The following PKN3 variants were observed in gnomAD, a reference collection of about 807,000 sequenced individuals.
PKN3 encodes serine/threonine-protein kinase N3.
In PKN3, 91 loss-of-function variants were observed where a neutral mutation model predicts 113.1. The observed-to-expected ratio is 0.80, with a 90% CI of 0.68 to 0.96. The LOEUF (loss-of-function observed/expected upper bound fraction) is 0.96, where lower values mean the gene tolerates loss of function less well. Among genes scored for constraint, PKN3 ranks in the 40% least tolerant of loss-of-function variants. PKN3 has a pLI of 0.00. For synonymous variants in PKN3, 467 were observed against 499.0 expected, an observed-to-expected ratio of 0.94 and a Z score of 0.85; for missense variants, 1,052 against 1,202.2, an observed-to-expected ratio of 0.88 and a Z score of 1.85.
chr9:128,718,265 C>T, intron 16 of PKN3, 60 bp from the exon 17 acceptor site: 1 of 1,411,508 alleles, frequency 7.1e-7, no homozygotes, highest in Admixed American at 1.7e-5. Context: ...CTGGTGCCTC[C>T]CTGCCCTGCC....
chr9:128,712,053 G>A (rs1274248704), intron 6 of PKN3, among the ~76,000 whole-genome samples: 2 of 152,176 alleles, frequency 1.3e-5, no homozygotes, highest in East Asian at 3.8e-4. Flanking sequence ...GGGATTACAG[G>A]TGCCCACCAT....
chr9:128,707,160 C>T (rs2132290845), intron 5 of PKN3, 62 bp from the exon 6 acceptor site: 3 of 1,577,986 alleles, frequency 1.9e-6, no homozygotes, highest in East Asian at 4.5e-5. Context: ...CTCCGGGTGA[C>T]CTGGGCTGCT....
intron 1 of PKN3, chr9:128,703,275 C>T (rs1861908878): frequency 2.6e-6 from 2 of 781,144 alleles, no homozygotes; most frequent in Non-Finnish European, 3.1e-6. Flanking sequence ...CGGTGGGGCT[C>T]CAAGGCCGAC....
At chr9:128,706,554 C>T (rs1178306007) in intron 3 of PKN3, among the ~76,000 whole-genome samples, 159 bp from the exon 4 acceptor site, 2 of 152,170 alleles carry the variant, frequency 1.3e-5, no homozygotes, top group Non-Finnish European at 2.9e-5. Flanking sequence ...TCCCCTGACC[C>T]ACCAACTAGT....
At position 128,716,596 on chromosome 9, in the gene PKN3, T is replaced by TTA. The variant is rs1564376817; in HGVS notation, c.1809-151_1809-150insTA. On this transcript the variant is annotated intron_variant, in intron 15 of 21. Transcript: ENST00000291906. The stretch of plus-strand genomic sequence containing the variant: ...CCAGGCGACAGAGCAAGACTGTGTC[T>TTA]CAAAAAAAAAAAAAAAATGAAAAGA... 9.5e-3 allele frequency: 4,532 copies of TTA among 479,476 alleles called. 6 individuals carry two copies. Among genetic ancestry groups the TTA allele is most frequent in the Non-Finnish European group, 0.013 (3,489 of 275,638 alleles). The allele number at this position is 479,476 out of a possible 1,614,324, so 29.7% of individuals were successfully genotyped here.
chr9:128,712,645 G>A (rs1157882414), intron 6 of PKN3, among the ~76,000 whole-genome samples: 1 of 152,196 alleles, frequency 6.6e-6, no homozygotes, highest in Non-Finnish European at 1.5e-5. Flanking sequence ...TAAGGTCTGA[G>A]GTCTGAGCCT....
chr9:128,717,117 C>CTTTTTTTTTTTTTTTTTTTTTTTTTT, intron 16 of PKN3, among the ~76,000 whole-genome samples, 194 bp downstream of exon 16: 317 of 24,374 alleles, frequency 0.013, 144 homozygotes, highest in Non-Finnish European at 0.019. Flanking sequence ...CATTAGGTTT[C>CTTTTTTTTTTTTTTTTTTTTTTTTTT]TTTTTTTTTT....
intron 3 of PKN3, among the ~76,000 whole-genome samples, chr9:128,706,200 C>T (rs1255159521): frequency 1.3e-5 from 2 of 152,262 alleles, no homozygotes; most frequent in Admixed American, 6.5e-5. Context: ...GGACCTTAGC[C>T]TTGATCTAAT....
In PKN3 at chr9:128,720,417, C is replaced by T. The variant is rs367589869; in HGVS notation, c.2481C>T (p.Leu827=). Residue 827 remains leucine (L), a synonymous_variant, in exon 22 of 22, where the codon CTC becomes CTT. Coordinates refer to ENST00000291906, the MANE Select transcript of PKN3 (RefSeq NM_013355.5). The surrounding 1 kb of genome is among the most constrained non-coding windows in gnomAD (Gnocchi z 5.5). The stretch of plus-strand genomic sequence containing the variant: ...AGACCACCAACTGGCAAGCCCTGCT[C>T]GCCCGCACCATCCAGCCCCCCTTCG... ...FFRTTNWQAL[L]ARTIQPPFVP... 52 of 1,613,138 alleles carry T rather than the reference C, an allele frequency of 3.2e-5. No individual in the cohort carries two copies. The highest frequency in any genetic ancestry group is 6.7e-5 in the African/African-American group (5 of 74,930).
chr9:128,715,558 G>A lies in PKN3; in HGVS notation c.1808+98G>A, dbSNP rs146608477. ...CCTGGGGCTTTGGAGAGGTGACCCCGTGGGGCCAGCCAGCCTGCATTCTCT... is the reference window on the plus strand; with the variant it reads ...CCTGGGGCTTTGGAGAGGTGACCCCATGGGGCCAGCCAGCCTGCATTCTCT... On this transcript the variant is annotated intron_variant, in intron 15 of 21. Coordinates refer to ENST00000291906, the MANE Select transcript of PKN3 (RefSeq NM_013355.5). This position sits in a 1 kb window ranked among gnomAD's most constrained non-coding sequence, Gnocchi z 4.1. 2.4e-5 allele frequency: 20 copies of A among 833,142 alleles called. No homozygotes were observed. The highest frequency in any genetic ancestry group is 1.4e-4 in the South Asian group (9 of 66,188). 51.6% of individuals were successfully genotyped at this position (833,142 alleles called of 1,614,324 possible). A position where few individuals can be genotyped will look rare whatever the true frequency, so the allele number is the denominator to read the frequency against.
In PKN3 at chr9:128,713,494, T is replaced by C; in HGVS notation, c.1093-5T>C. The C allele has an allele frequency of 6.2e-7, 1 of 1,613,986 alleles. No individual in the cohort carries two copies. Among genetic ancestry groups the C allele is most frequent in the Non-Finnish European group, 8.5e-7 (1 of 1,179,978 alleles). ...CCACCCTTCAGCCTGGCCTCCCCAA[T>C]ACAGGCCCGTGAGCTGGAGATTGGG... On this transcript the variant is annotated splice_region_variant and splice_polypyrimidine_tract_variant and intron_variant, in intron 8 of 21. Coordinates refer to ENST00000291906, the MANE Select transcript of PKN3 (RefSeq NM_013355.5).
chr9:128,704,583 C>T (rs1861952526), intron 1 of PKN3, among the ~76,000 whole-genome samples: 1 of 152,102 alleles, frequency 6.6e-6, no homozygotes, highest in South Asian at 2.1e-4. Flanking sequence ...TGACTGTGGG[C>T]AAGTTACTTC....
Position 128,705,557 on chromosome 9 carries a change from T to TGAGAC in PKN3, c.265+15_265+19dup. ...CTGGCCCAGCTGGTGAGTGAGGAGC[T>TGAGAC]GAGACCCCCTCAGGACAGAAGGCTC... is the stretch of plus-strand genomic sequence containing the variant. On this transcript the variant is annotated intron_variant, in intron 2 of 21. Transcript: ENST00000291906. 6.4e-7 allele frequency: 1 copy of TGAGAC among 1,553,206 alleles called. No homozygotes were observed.
rs1040579760 is a variant in PKN3 at position 128,705,880 on chromosome 9, G to A, written c.411+1G>A. The A allele has an allele frequency of 1.3e-6, 2 of 1,588,938 alleles. No individual in the cohort carries two copies. Among genetic ancestry groups the A allele is most frequent in the Non-Finnish European group, 1.7e-6 (2 of 1,164,564 alleles). The stretch of plus-strand genomic sequence containing the variant: ...CACGTGCGCCAGTGGCACCCCCAAG[G>A]TAAGGCCCCACAGTCTGATGGCAGG... On this transcript the variant is annotated splice_donor_variant, in intron 3 of 21. Transcript: ENST00000291906. LOFTEE classifies it high-confidence loss of function.
chr9:128,705,944 A>C, intron 3 of PKN3, 65 bp downstream of exon 3: 4 of 1,455,730 alleles, frequency 2.7e-6, no homozygotes, highest in Non-Finnish European at 2.8e-6. Flanking sequence ...AATGCACCTC[A>C]GCCATTGGGC....
At position 128,705,060 on chromosome 9, in the gene PKN3, T is replaced by C. The variant is rs189834457; in HGVS notation, c.25-243T>C. On this transcript the variant is annotated intron_variant, in intron 1 of 21. Transcript: ENST00000291906. ...CCTGGCACCCATTTACCGTGTGAAC[T>C]GTCCCCCCCGCCACATCCTTCTCTA... is the stretch of plus-strand genomic sequence containing the variant. Among the ~76,000 whole-genome samples the C allele has an allele frequency of 7.7e-4, 117 of 152,318 alleles. 1 individual carries two copies. In the Middle Eastern group the frequency reaches 0.02, roughly 27 times the overall value.
intron 6 of PKN3, among the ~76,000 whole-genome samples, chr9:128,708,341 G>T (rs908912808): frequency 7.2e-5 from 11 of 151,800 alleles, no homozygotes; most frequent in East Asian, 1.9e-4. Flanking sequence ...AGATTGCGCC[G>T]CTGCACTTCA....
Position 128,705,365 on chromosome 9 carries a change from A to G in PKN3, c.87A>G (p.Lys29=), listed in dbSNP as rs544862366. 13 of 1,593,834 alleles carry G rather than the reference A, an allele frequency of 8.2e-6. 1 individual carries two copies. The South Asian group carries it at 1.4e-4, about 17-fold the overall frequency. Residue 29 remains lysine, a synonymous_variant, in exon 2 of 22, where the codon AAA becomes AAG. Coordinates refer to ENST00000291906, the MANE Select transcript of PKN3 (RefSeq NM_013355.5). ...AGGTGATCCGCCGGGCCATCCAGAA[A>G]GAGCTGAAGATCAAGGAGGGGGTGG... ...EKEVIRRAIQ[K]ELKIKEGVEN...
rs775876541 is a variant in PKN3, at chr9:128,716,736, C to G, written c.1809-11C>G. On this transcript the variant is annotated splice_polypyrimidine_tract_variant and intron_variant, in intron 15 of 21. Coordinates refer to ENST00000291906, the MANE Select transcript of PKN3 (RefSeq NM_013355.5). The stretch of plus-strand genomic sequence containing the variant: ...TTTCCTTCCCTCTAATACTCTTGCT[C>G]TCTCCTGTAGCCTGTACTGCGAGAA... 9.3e-6 allele frequency: 15 copies of G among 1,612,138 alleles called. No homozygotes were observed. The highest frequency in any genetic ancestry group is 1.2e-5 in the Non-Finnish European group (14 of 1,178,694).
Sources: allele counts gnomAD v4.1 joint callset (sites outside exome capture counted in the v4.1 genomes callset), GRCh38; gene constraint gnomAD v4.1.1; non-coding constraint Gnocchi (gnomAD v3.1); transcripts MANE v1.5; gene names NCBI Gene and HGNC (gene_info 2026-07-23, HGNC 2026-07-21).